Variants in ABCA12 observed in about 807,000 individuals in gnomAD.
The protein encoded by ABCA12 is glucosylceramide transporter ABCA12.
In ABCA12, 156 loss-of-function variants were observed where a neutral mutation model predicts 293.5. The observed-to-expected ratio is 0.53, with a 90% CI of 0.47 to 0.61. The LOEUF (loss-of-function observed/expected upper bound fraction) is 0.61. ABCA12 is among the 20% of genes least tolerant of loss of function. The pLI, the probability that ABCA12 is intolerant of heterozygous loss-of-function variation, is 0.00. For missense variants in ABCA12, 2,797 were observed against 3,090.2 expected, an observed-to-expected ratio of 0.91 and a Z score of 2.25; for synonymous variants, 1,063 against 1,108.0, an observed-to-expected ratio of 0.96 and a Z score of 0.81.
At chr2:214,996,150 T>C (rs908805018) in intron 23 of ABCA12, among the ~76,000 whole-genome samples, 6 of 152,222 alleles carry the variant, frequency 3.9e-5, no homozygotes, top group Non-Finnish European at 5.9e-5. Context: ...AACTGGTTCA[T>C]AGCTAAAAAC....
intron 31 of ABCA12, 66 bp from the exon 32 acceptor site, chr2:214,979,106 T>A: frequency 1.4e-6 from 2 of 1,436,246 alleles, no homozygotes; most frequent in Non-Finnish European, 2.0e-6. Context: ...CAGGCCCTAA[T>A]CAGAGGGTGA....
At chr2:215,069,166 T>C (rs1701688931) in intron 2 of ABCA12, among the ~76,000 whole-genome samples, 1 of 139,436 alleles carries the variant, frequency 7.2e-6, no homozygotes. Context: ...GAATGATACA[T>C]TTTGGAAGGA....
chr2:215,009,306 A>T (rs1280755633), intron 18 of ABCA12, among the ~76,000 whole-genome samples: 3 of 152,134 alleles, frequency 2.0e-5, no homozygotes, highest in Admixed American at 1.3e-4. Context: ...GGGGAACAGA[A>T]GGGTGGAGGG....
intron 44 of ABCA12, among the ~76,000 whole-genome samples, chr2:214,952,085 A>G (rs531157749): frequency 3.3e-5 from 5 of 152,206 alleles, no homozygotes; most frequent in African/African-American, 1.2e-4. Flanking sequence ...AAAGAAATCA[A>G]TCCAGGCTTT....
intron 23 of ABCA12, among the ~76,000 whole-genome samples, chr2:214,991,969 C>T (rs1371860005): frequency 6.6e-6 from 1 of 151,988 alleles, no homozygotes. Flanking sequence ...CACCATGGCA[C>T]GTGTATACCT....
intron 2 of ABCA12, among the ~76,000 whole-genome samples, chr2:215,100,030 A>G (rs1449586914): frequency 6.9e-6 from 1 of 144,856 alleles, no homozygotes; most frequent in Non-Finnish European, 1.5e-5. Flanking sequence ...TTTTTTTTTT[A>G]AGAAACAGGG....
In ABCA12 at chr2:215,019,407, A is replaced by G. The variant is rs765641566; in HGVS notation, c.1586T>C (p.Ile529Thr). Residue 529 changes from isoleucine to threonine, a missense_variant, in exon 13 of 53, where the codon ATC (isoleucine) becomes ACC (threonine). Physicochemically the swap from Ile to Thr is moderately conservative, Grantham distance 89. Transcript: ENST00000272895. ...TTCTATGATCGGTATTAACTGAGTG[A>G]TATTTTCCAAGTAATTCATTTGCAG... is the stretch of plus-strand genomic sequence containing the variant. Reference protein sequence around the residue: ...QALQMNYLENITQLIPIIEAM... With the variant: ...QALQMNYLENTTQLIPIIEAM... 3.1e-6 allele frequency: 5 copies of G among 1,613,880 alleles called. No homozygotes were observed. The highest frequency in any genetic ancestry group is 2.2e-5 in the South Asian group (2 of 91,072).
At chr2:215,024,390 C>T (rs904163106) in intron 11 of ABCA12, among the ~76,000 whole-genome samples, 17 of 151,950 alleles carry the variant, frequency 1.1e-4, no homozygotes, top group East Asian at 9.6e-4. Flanking sequence ...AAAAAATGAA[C>T]GGATAAATAT....
chr2:214,971,609 G>A (rs1410353467), intron 36 of ABCA12, among the ~76,000 whole-genome samples: 2 of 151,952 alleles, frequency 1.3e-5, no homozygotes, highest in African/African-American at 4.8e-5. Flanking sequence ...CTTGTGTCTG[G>A]TTCTTTTCAC....
intron 23 of ABCA12, among the ~76,000 whole-genome samples, chr2:214,992,980 T>C (rs1314153005): frequency 1.3e-5 from 2 of 152,164 alleles, no homozygotes; most frequent in African/African-American, 4.8e-5. Context: ...ACCTAAGTTT[T>C]CCAGGAAAAA....
chr2:215,037,619 T>C (rs565889148), intron 7 of ABCA12, among the ~76,000 whole-genome samples: 2 of 152,258 alleles, frequency 1.3e-5, no homozygotes, highest in South Asian at 4.1e-4. Flanking sequence ...ATTCCAGAGG[T>C]AGTTCAAAAT....
Position 214,978,974 on chromosome 2 carries a change from G to T in ABCA12, c.4807C>A (p.Leu1603Ile). ...MAVTAMIQSH[L>I]PEAYLKEDIG... The stretch of plus-strand genomic sequence containing the variant: ...TCCTCCTTGAGGTAGGCTTCGGGGA[G>T]ATGTGATTGGATCATTGCTGTCACG... Residue 1603 changes from leucine (L) to isoleucine (I), a missense_variant, in exon 32 of 53, where the codon CTC becomes ATC. Physicochemically the swap from Leu to Ile is conservative, Grantham distance 5. This residue lies in a region of ABCA12 where 2,130 missense variants were observed against 2,427.0 expected (regional missense o/e 0.88). Transcript: ENST00000272895. The T allele has an allele frequency of 6.2e-7, 1 of 1,614,108 alleles. No individual in the cohort carries two copies. The highest frequency in any genetic ancestry group is 8.5e-7 in the Non-Finnish European group (1 of 1,179,990).
At position 214,932,736 on chromosome 2, in the gene ABCA12, G is replaced by A; in HGVS notation, c.7686C>T (p.Phe2562=). The change falls in exon 53 of 53, where the codon TTC becomes TTT. Residue 2562 remains phenylalanine, a synonymous_variant. Transcript: ENST00000272895. ...ACTTCTGGTCTTTGGCAAAGTTGATGAAAACCTGATTTTTCAGGGAAAATA... is the reference window on the plus strand; with the variant it reads ...ACTTCTGGTCTTTGGCAAAGTTGATAAAAACCTGATTTTTCAGGGAAAATA... The part of the protein sequence containing the change: ...LVSQTTLEEV[F]INFAKDQKSY... The A allele has an allele frequency of 6.2e-7, 1 of 1,612,702 alleles. No individual in the cohort carries two copies. Among genetic ancestry groups the A allele is most frequent in the Non-Finnish European group, 8.5e-7 (1 of 1,178,966 alleles).
At chr2:214,983,047 A>G (rs1300836028) in intron 29 of ABCA12, among the ~76,000 whole-genome samples, 1 of 152,124 alleles carries the variant, frequency 6.6e-6, no homozygotes. Context: ...AGTAGAGAGA[A>G]GAGAAAGTAA....
intron 2 of ABCA12, among the ~76,000 whole-genome samples, chr2:215,109,944 G>T (rs868125002): frequency 2.0e-5 from 3 of 152,238 alleles, no homozygotes; most frequent in Middle Eastern, 3.4e-3. Context: ...TATTAAACCA[G>T]AATATTTAAG....
chr2:215,049,950 ATAAAG>A, intron 5 of ABCA12, 139 bp from the exon 6 acceptor site: 1 of 735,026 alleles, frequency 1.4e-6, no homozygotes, highest in East Asian at 2.7e-5. Context: ...TAAAATAACA[ATAAAG>A]TAGATAGAGT....
chr2:214,994,318 C>T (rs1031246223), intron 23 of ABCA12, among the ~76,000 whole-genome samples: 2 of 151,970 alleles, frequency 1.3e-5, no homozygotes, highest in Non-Finnish European at 2.9e-5. Flanking sequence ...TTTATCAAGC[C>T]TCCCAAACCT....
rs865807517 is a variant in ABCA12, at chr2:215,049,751, C to T, written c.568G>A (p.Gly190Arg). ...GAGAAGGCATCATCCACAATGTATC[C>T]TGAATAGCTGTCACATAGTTCTCTT... ...IRRELCDSYSGYIVDDAFSWT... is the reference protein window; with the variant it reads ...IRRELCDSYSRYIVDDAFSWT... The change falls in exon 6 of 53, where the codon GGA becomes AGA. Residue 190 changes from glycine (G) to arginine (R), a missense_variant. Gly to Arg is a moderately radical substitution (Grantham distance 125). Transcript: ENST00000272895. The T allele has an allele frequency of 1.2e-6, 2 of 1,613,650 alleles. No individual in the cohort carries two copies. Among genetic ancestry groups the T allele is most frequent in the Non-Finnish European group, 1.7e-6 (2 of 1,179,772 alleles).
rs758885900 is a variant in ABCA12, at chr2:214,968,714, A to C, written c.5778+6T>G. 2 of 1,612,814 alleles carry C rather than the reference A, an allele frequency of 1.2e-6. No homozygotes were observed. ...ATAACATTCCAGAAAAAAGATCAAAATTTACCTTGGCAAGTGTTCTATTGG... is the reference window on the plus strand; with the variant it reads ...ATAACATTCCAGAAAAAAGATCAAACTTTACCTTGGCAAGTGTTCTATTGG... On this transcript the variant is annotated splice_donor_region_variant and intron_variant, in intron 38 of 52. Coordinates refer to ENST00000272895, the MANE Select transcript of ABCA12 (RefSeq NM_173076.3).
Sources: allele counts gnomAD v4.1 joint callset (sites outside exome capture counted in the v4.1 genomes callset), GRCh38; gene constraint gnomAD v4.1.1; regional missense constraint gnomAD v4.1.1; transcripts MANE v1.5; gene names NCBI Gene and HGNC (gene_info 2026-07-23, HGNC 2026-07-21).